The following TENM2 variants were observed in gnomAD, a reference collection of about 807,000 sequenced individuals.
TENM2 encodes teneurin transmembrane protein 2.
TENM2 carries 52 observed loss-of-function variants against 245.2 expected under a neutral mutation model. The observed-to-expected ratio is 0.21, with a 90% CI of 0.17 to 0.27. The LOEUF is 0.27. TENM2 is among the 10% of genes least tolerant of loss of function. TENM2 has a pLI of 1.00. For synonymous variants in TENM2, 1,363 were observed against 1,438.9 expected (o/e 0.95, Z 1.19); for missense variants, 3,046 against 3,666.8 (o/e 0.83, Z 4.37).
At position 167,665,406 on chromosome 5, in the gene TENM2, T is replaced by C. The variant is rs557625816; in HGVS notation, c.503-210580T>C. The stretch of plus-strand genomic sequence containing the variant: ...ATCCCATTTCATATGTTTTAAAACA[T>C]CTGGAGGCTGAGGGCAGAAGAGGAT... On this transcript the variant is annotated intron_variant, in intron 2 of 28. Coordinates refer to ENST00000518659, the Ensembl canonical transcript of TENM2. 7.2e-5 allele frequency among the ~76,000 whole-genome samples: 11 copies of C among 151,996 alleles called. No individual in the cohort carries two copies. In the South Asian group the frequency reaches 2.1e-3, roughly 29 times the overall value.
intron 5 of TENM2, among the ~76,000 whole-genome samples, chr5:168,027,198 C>T (rs1261472913): frequency 2.6e-5 from 4 of 151,990 alleles, no homozygotes; most frequent in East Asian, 1.9e-4. Flanking sequence ...ACTTGACTCC[C>T]GACCGAGGTA....
chr5:168,036,687 A>ATATATATG (rs1787717837), intron 5 of TENM2, among the ~76,000 whole-genome samples: 1 of 118,068 alleles, frequency 8.5e-6, no homozygotes, highest in African/African-American at 4.1e-5. Flanking sequence ...GTATATATAT[A>ATATATATG]TATATATATA....
chr5:167,956,587 A>G (rs1583481253), intron 4 of TENM2, among the ~76,000 whole-genome samples: 2 of 152,274 alleles, frequency 1.3e-5, no homozygotes, highest in South Asian at 2.1e-4. Context: ...TTGGCCATTC[A>G]GTGTGATATT....
intron 3 of TENM2, among the ~76,000 whole-genome samples, chr5:167,889,275 A>C (rs1032131694): frequency 1.3e-5 from 2 of 152,064 alleles, no homozygotes; most frequent in Non-Finnish European, 1.5e-5. Flanking sequence ...ATAACCTTGC[A>C]AACCTCTGCT....
At chr5:167,068,662 TAC>T in the TENM2 span, among the ~76,000 whole-genome samples, 1 of 152,192 alleles carries the variant, frequency 6.6e-6, no homozygotes, top group Non-Finnish European at 1.5e-5. Context: ...GCTACTATAT[TAC>T]ACAGTGTAGA....
At chr5:167,882,278 A>T (rs753930590) in intron 3 of TENM2, among the ~76,000 whole-genome samples, 4 of 152,106 alleles carry the variant, frequency 2.6e-5, no homozygotes, top group Non-Finnish European at 5.9e-5. Context: ...TCCCCTGGAG[A>T]TTCTGATTCC....
chr5:167,981,854 A>G (rs1252682779), intron 4 of TENM2, among the ~76,000 whole-genome samples: 1 of 151,984 alleles, frequency 6.6e-6, no homozygotes, highest in Non-Finnish European at 1.5e-5. Flanking sequence ...TGCACCTGTA[A>G]TCCCAGCTAC....
chr5:167,187,234 C>T, the TENM2 span, among the ~76,000 whole-genome samples: 4 of 152,112 alleles, frequency 2.6e-5, no homozygotes, highest in Non-Finnish European at 4.4e-5. Flanking sequence ...CAGTGAAGTG[C>T]TTTCTGATTT....
At position 167,880,233 on chromosome 5, in the gene TENM2, A is replaced by G. The variant is rs1172468986; in HGVS notation, c.712+4038A>G. Among the ~76,000 whole-genome samples, 3 of 151,930 alleles carry G rather than the reference A, an allele frequency of 2.0e-5. No individual in the cohort carries two copies. The East Asian group carries it at 5.8e-4, about 29-fold the overall frequency. On this transcript the variant is annotated intron_variant, in intron 3 of 28. Coordinates refer to ENST00000518659, the Ensembl canonical transcript of TENM2. ...TTTTTAGTAGAAATGGGGTTTCACC[A>G]TGTTGGCCAGGCTGGTCTCGAACTC... is the stretch of plus-strand genomic sequence containing the variant.
At chr5:167,107,472 G>A in the TENM2 span, among the ~76,000 whole-genome samples, 1 of 152,252 alleles carries the variant, frequency 6.6e-6, no homozygotes, top group African/African-American at 2.4e-5. Context: ...AAGGAATAAA[G>A]ATTCAGAGGG....
At chr5:167,688,647 C>T (rs1757230930) in intron 2 of TENM2, among the ~76,000 whole-genome samples, 1 of 152,164 alleles carries the variant, frequency 6.6e-6, no homozygotes, top group African/African-American at 2.4e-5. Flanking sequence ...AACAAGTGCT[C>T]ATATTTTAAG....
the TENM2 span, among the ~76,000 whole-genome samples, chr5:167,241,053 C>T: frequency 6.6e-6 from 1 of 151,620 alleles, no homozygotes. Flanking sequence ...AGAGTAAATC[C>T]AATTCCAAAT....
chr5:167,876,435 T>C (rs991391922), intron 3 of TENM2, among the ~76,000 whole-genome samples: 2 of 152,310 alleles, frequency 1.3e-5, no homozygotes, highest in East Asian at 3.9e-4. Flanking sequence ...GGAAGGCATT[T>C]GCCCATTGCT....
chr5:168,196,023 AAC>A (rs1367936152), intron 15 of TENM2, among the ~76,000 whole-genome samples: 1 of 152,212 alleles, frequency 6.6e-6, no homozygotes, highest in Non-Finnish European at 1.5e-5. Flanking sequence ...TGGGCTAAAA[AAC>A]ACACAGACAC....
intron 2 of TENM2, among the ~76,000 whole-genome samples, chr5:167,840,785 C>A (rs561963077): frequency 1.3e-5 from 2 of 152,208 alleles, no homozygotes; most frequent in African/African-American, 2.4e-5. Context: ...CAGTAAAGAT[C>A]ACAAATGAAT....
chr5:168,093,037 A>G (rs1793075740), intron 8 of TENM2, among the ~76,000 whole-genome samples: 1 of 152,226 alleles, frequency 6.6e-6, no homozygotes, highest in African/African-American at 2.4e-5. Flanking sequence ...AACTTGCCCA[A>G]GGTCACACAC....
At chr5:167,094,228 G>A in the TENM2 span, among the ~76,000 whole-genome samples, 18 of 152,004 alleles carry the variant, frequency 1.2e-4, no homozygotes, top group African/African-American at 4.3e-4. Flanking sequence ...TATTTAAAAT[G>A]TACAATTTGG....
At chr5:167,042,412 A>G in the TENM2 span, among the ~76,000 whole-genome samples, 1 of 152,164 alleles carries the variant, frequency 6.6e-6, no homozygotes, top group South Asian at 2.1e-4. Context: ...TCTGCAGCAA[A>G]ATACTTAATA....
the TENM2 span, among the ~76,000 whole-genome samples, chr5:167,040,614 G>GA: frequency 6.6e-6 from 1 of 151,820 alleles, no homozygotes; most frequent in Non-Finnish European, 1.5e-5. Context: ...ATCTGGTTTT[G>GA]AAAAAAACCC....
Sources: gnomAD v4.1 joint callset for allele counts (sites outside exome capture counted in the v4.1 genomes callset) on GRCh38, gnomAD v4.1.1 for gene constraint, MANE v1.5 for transcripts, NCBI Gene and HGNC (gene_info 2026-07-23, HGNC 2026-07-21) for gene names.